The following DENND1B variants were observed in gnomAD, a reference collection of about 807,000 sequenced individuals.
DENND1B encodes the protein DENN domain-containing protein 1B.
DENND1B carries 59 observed loss-of-function variants against 90.1 expected under a neutral mutation model. The ratio of observed to expected loss-of-function variants is 0.65; its 90% CI spans 0.53 to 0.81. DENND1B has a LOEUF of 0.81. Among genes scored for constraint, DENND1B ranks in the 40% least tolerant of loss-of-function variants. The pLI is 0.00. For missense variants in DENND1B, 862 were observed against 912.6 expected (o/e 0.94, Z 0.71); for synonymous variants, 337 against 324.6 (o/e 1.04, Z -0.41).
chr1:197,552,134 T>C, intron 16 of DENND1B: 1 of 791,634 alleles, frequency 1.3e-6, no homozygotes, highest in Non-Finnish European at 1.5e-6. Context: ...CATGTGTCAT[T>C]TCTGAATTCC....
chr1:197,628,862 C>T (rs1216957590), intron 10 of DENND1B, among the ~76,000 whole-genome samples: 39 of 151,886 alleles, frequency 2.6e-4, no homozygotes, highest in South Asian at 2.5e-3. Flanking sequence ...AAAAAGTGGG[C>T]GAAGGATATG....
intron 10 of DENND1B, among the ~76,000 whole-genome samples, chr1:197,640,760 A>G (rs1384696049): frequency 6.6e-6 from 1 of 152,202 alleles, no homozygotes; most frequent in African/African-American, 2.4e-5. Flanking sequence ...ACAGTAGCTT[A>G]TGCTTCACTC....
At chr1:197,540,597 G>T (rs567720835) in intron 19 of DENND1B, among the ~76,000 whole-genome samples, 1 of 152,148 alleles carries the variant, frequency 6.6e-6, no homozygotes, top group Non-Finnish European at 1.5e-5. Context: ...CAAAACAAAT[G>T]CTGGCATTCC....
intron 6 of DENND1B, among the ~76,000 whole-genome samples, chr1:197,657,321 G>C (rs1653944091): frequency 3.9e-5 from 6 of 152,118 alleles, no homozygotes; most frequent in Non-Finnish European, 7.4e-5. Flanking sequence ...ACAGATAAAA[G>C]AGTTCCAACA....
chr1:197,551,762 T>C (rs1262799905), intron 16 of DENND1B, among the ~76,000 whole-genome samples: 1 of 152,132 alleles, frequency 6.6e-6, no homozygotes, highest in African/African-American at 2.4e-5. Flanking sequence ...AAGCAACTTG[T>C]CCATGGGCTG....
chr1:197,665,143 A>G (rs1654814928), intron 5 of DENND1B, among the ~76,000 whole-genome samples: 1 of 152,142 alleles, frequency 6.6e-6, no homozygotes, highest in South Asian at 2.1e-4. Context: ...TTAAATATCA[A>G]CTTTTGTATT....
At chr1:197,659,464 T>C (rs1654188159) in intron 5 of DENND1B, among the ~76,000 whole-genome samples, 1 of 151,972 alleles carries the variant, frequency 6.6e-6, no homozygotes, top group Non-Finnish European at 1.5e-5. Flanking sequence ...TACTACGTAA[T>C]GATATGAAAA....
chr1:197,555,181 A>C lies in DENND1B; in HGVS notation c.1150-2069T>G, dbSNP rs1432959258. ...ATCTCAAGATATATTAAAAAAAATT[A>C]ACTCAAGGTGAATTAAAGACTTAAA... On this transcript the variant is annotated intron_variant, in intron 15 of 22. Transcript: ENST00000620048. Among the ~76,000 whole-genome samples, 3 of 152,130 alleles carry C rather than the reference A, an allele frequency of 2.0e-5. No homozygotes were observed. In the East Asian group the frequency reaches 5.8e-4, roughly 29 times the overall value.
intron 12 of DENND1B, among the ~76,000 whole-genome samples, chr1:197,607,431 C>A (rs1676788316): frequency 6.6e-6 from 1 of 150,698 alleles, no homozygotes; most frequent in Admixed American, 6.6e-5. Flanking sequence ...AACAAAAATT[C>A]TTATAAAATA....
At chr1:197,688,799 G>A (rs748672551) in intron 3 of DENND1B, 3 of 170,446 alleles carry the variant, frequency 1.8e-5, no homozygotes, top group Non-Finnish European at 3.9e-5. Flanking sequence ...CATCATCACT[G>A]GACATGTAGA....
At chr1:197,735,210 TCTTTTACATCA>T in intron 2 of DENND1B, 1 of 1,039,846 alleles carries the variant, frequency 9.6e-7, no homozygotes, top group South Asian at 3.6e-5. Context: ...CCATTGAGTA[TCTTTTACATCA>T]ATGAATTAGC....
Position 197,627,221 on chromosome 1 carries a change from C to A in DENND1B, c.673-9462G>T, listed in dbSNP as rs537211300. Among the ~76,000 whole-genome samples the A allele has an allele frequency of 9.0e-3, 1,364 of 151,638 alleles. 17 individuals carry two copies. The highest frequency in any genetic ancestry group is 0.028 in the African/African-American group (1,153 of 41,392). ...GATACCAAAGCCGGGCAGAGACACA[C>A]CGAAAAAAGAGAATTTTAGACCAAT... On this transcript the variant is annotated intron_variant, in intron 10 of 22. Transcript: ENST00000620048.
At chr1:197,544,774 G>GGAGGAGGAAGAAGAAGAA (rs1329445473) in intron 18 of DENND1B, among the ~76,000 whole-genome samples, 14 of 134,408 alleles carry the variant, frequency 1.0e-4, no homozygotes, top group Admixed American at 1.0e-3. Flanking sequence ...AAGAGGACGA[G>GGAGGAGGAAGAAGAAGAA]GAGGAGGAAG....
intron 3 of DENND1B, among the ~76,000 whole-genome samples, chr1:197,675,604 C>A (rs961275729): frequency 2.0e-5 from 3 of 152,118 alleles, no homozygotes; most frequent in African/African-American, 4.8e-5. Flanking sequence ...ACTAAACTTG[C>A]AGTAAGTTAA....
chr1:197,775,101 G>T, intron 1 of DENND1B, 38 bp downstream of exon 1: 1 of 1,236,920 alleles, frequency 8.1e-7, no homozygotes, highest in Non-Finnish European at 1.0e-6. Flanking sequence ...GCCGCCGAGG[G>T]ACGCCCGCCC....
intron 2 of DENND1B, among the ~76,000 whole-genome samples, chr1:197,733,281 A>T (rs1266077043): frequency 6.6e-6 from 1 of 152,198 alleles, no homozygotes; most frequent in Non-Finnish European, 1.5e-5. Context: ...CACAAAAAAA[A>T]ATTAGAAATA....
upstream of DENND1B, among the ~76,000 whole-genome samples, chr1:197,776,352 C>T (rs995314883): frequency 7.2e-5 from 11 of 152,170 alleles, no homozygotes; most frequent in African/African-American, 2.2e-4. Flanking sequence ...TTACTTCTAC[C>T]TCATATTGCC....
intron 16 of DENND1B, 44 bp downstream of exon 16, chr1:197,552,978 T>C (rs1254788706): frequency 3.2e-6 from 5 of 1,559,682 alleles, no homozygotes; most frequent in African/African-American, 2.8e-5. Context: ...ACCAAGAAAA[T>C]TGTTATTGAG....
chr1:197,756,980 A>G (rs1558486975), intron 2 of DENND1B, among the ~76,000 whole-genome samples: 1 of 150,424 alleles, frequency 6.6e-6, no homozygotes, highest in African/African-American at 2.4e-5. Flanking sequence ...TTATATGTTA[A>G]ATATATTTAT....
Sources: allele counts gnomAD v4.1 joint callset (sites outside exome capture counted in the v4.1 genomes callset), GRCh38; gene constraint gnomAD v4.1.1; transcripts MANE v1.5; gene names NCBI Gene and HGNC (gene_info 2026-07-23, HGNC 2026-07-21).